The following SGCD variants were observed in gnomAD, a reference collection of about 807,000 sequenced individuals.
SGCD encodes the protein sarcoglycan delta.
In SGCD, 18 loss-of-function variants were observed where a neutral mutation model predicts 36.6. That is an observed-to-expected ratio of 0.49 (90% confidence interval 0.34 to 0.73). The LOEUF (loss-of-function observed/expected upper bound fraction) is 0.73. Among genes scored for constraint, SGCD ranks in the 30% least tolerant of loss-of-function variants. The pLI, the probability that SGCD is intolerant of heterozygous loss-of-function variation, is 0.01. For missense variants in SGCD, 387 were observed against 346.7 expected (o/e 1.12, Z -0.92); for synonymous variants, 133 against 130.6 (o/e 1.02, Z -0.12).
At chr5:155,836,407 C>T in the SGCD span, among the ~76,000 whole-genome samples, 9 of 151,946 alleles carry the variant, frequency 5.9e-5, no homozygotes, top group Admixed American at 3.9e-4. Context: ...AAATGAAAAA[C>T]GATTCTTCAA....
At chr5:155,909,511 G>C (rs369304271) in intron 1 of SGCD, among the ~76,000 whole-genome samples, 10 of 152,232 alleles carry the variant, frequency 6.6e-5, no homozygotes, top group African/African-American at 2.4e-4. Flanking sequence ...TCAAATATCT[G>C]TCTGCAGATC....
chr5:156,212,930 T>C (rs1330267597), intron 3 of SGCD, among the ~76,000 whole-genome samples: 1 of 151,976 alleles, frequency 6.6e-6, no homozygotes, highest in East Asian at 1.9e-4. Flanking sequence ...AAAAGGGAAA[T>C]TTAAAAATAT....
intron 7 of SGCD, among the ~76,000 whole-genome samples, chr5:156,685,840 A>G (rs1295996524): frequency 6.6e-6 from 1 of 152,212 alleles, no homozygotes; most frequent in African/African-American, 2.4e-5. Context: ...AAGTGAATAA[A>G]AAACACTTTA....
At chr5:155,803,071 C>T in the SGCD span, among the ~76,000 whole-genome samples, 4 of 152,134 alleles carry the variant, frequency 2.6e-5, no homozygotes, top group African/African-American at 9.7e-5. Context: ...GGAAAAAATC[C>T]AGATATAGTC....
chr5:156,735,848 T>A (rs283097), intron 7 of SGCD, among the ~76,000 whole-genome samples: 1 of 151,808 alleles, frequency 6.6e-6, no homozygotes, highest in Non-Finnish European at 1.5e-5. Context: ...AAAACCAGAG[T>A]ATCTAAAGTT....
At chr5:156,192,052 C>T (rs1308418341) in intron 3 of SGCD, among the ~76,000 whole-genome samples, 8 of 152,088 alleles carry the variant, frequency 5.3e-5, no homozygotes, top group Admixed American at 3.9e-4. Flanking sequence ...GAGAAAAAGA[C>T]AATAGTCATC....
chr5:155,900,888 C>T (rs1561643660), intron 1 of SGCD, among the ~76,000 whole-genome samples: 1 of 151,888 alleles, frequency 6.6e-6, no homozygotes, highest in Non-Finnish European at 1.5e-5. Flanking sequence ...GAAATATGTG[C>T]ACACTCATGT....
intron 3 of SGCD, among the ~76,000 whole-genome samples, chr5:156,251,519 C>G (rs1404055851): frequency 4.5e-5 from 4 of 89,262 alleles, no homozygotes; most frequent in Non-Finnish European, 7.4e-5. Flanking sequence ...ATTATTTATA[C>G]TACTTTTTTT....
chr5:155,778,627 A>C, the SGCD span, among the ~76,000 whole-genome samples: 1 of 49,854 alleles, frequency 2.0e-5, no homozygotes. Flanking sequence ...TTTTTAAGCT[A>C]TTGCTTAAAA....
At chr5:156,343,295 A>G (rs890245910) in intron 2 of SGCD, among the ~76,000 whole-genome samples, 1 of 152,188 alleles carries the variant, frequency 6.6e-6, no homozygotes, top group Non-Finnish European at 1.5e-5. Context: ...CAGTGTGTCT[A>G]CATGACAGCC....
intron 2 of SGCD, among the ~76,000 whole-genome samples, chr5:156,331,777 C>A (rs182110769): frequency 1.3e-5 from 2 of 152,258 alleles, no homozygotes; most frequent in African/African-American, 4.8e-5. Context: ...ACGAATCATT[C>A]GACAAAATCT....
chr5:156,375,397 T>G lies in SGCD; in HGVS notation c.192+30720T>G, dbSNP rs1234256966. 1.1e-4 allele frequency among the ~76,000 whole-genome samples: 3 copies of G among 26,664 alleles called. No homozygotes were observed. In the South Asian group the frequency reaches 8.1e-3, roughly 72 times the overall value. 17.5% of individuals were successfully genotyped at this position (26,664 alleles called of 152,430 possible). A position where few individuals can be genotyped will look rare whatever the true frequency, so the allele number is the denominator to read the frequency against. On this transcript the variant is annotated intron_variant, in intron 3 of 8. Transcript: ENST00000337851. Reference sequence around the variant, plus strand: ...TGCCCCAGTAATATCCTTCACAGCTTTTTTTTTTTTTTTTTTTTTTAAAGA... The same window carrying G: ...TGCCCCAGTAATATCCTTCACAGCTGTTTTTTTTTTTTTTTTTTTTAAAGA...
intron 7 of SGCD, among the ~76,000 whole-genome samples, chr5:156,729,181 A>G (rs1161853085): frequency 1.3e-5 from 2 of 152,218 alleles, no homozygotes; most frequent in Non-Finnish European, 2.9e-5. Context: ...GGCATATGCT[A>G]TATATCATTC....
At chr5:155,837,303 G>T in the SGCD span, among the ~76,000 whole-genome samples, 128 of 152,022 alleles carry the variant, frequency 8.4e-4, no homozygotes, top group Middle Eastern at 3.4e-3. Flanking sequence ...GACTGCAGGT[G>T]CCCACCACCA....
At chr5:156,071,302 A>C (rs1760553896) in intron 1 of SGCD, among the ~76,000 whole-genome samples, 1 of 152,094 alleles carries the variant, frequency 6.6e-6, no homozygotes, top group African/African-American at 2.4e-5. Flanking sequence ...ACTGCTTTGA[A>C]TGTGTCCCAG....
intron 3 of SGCD, among the ~76,000 whole-genome samples, chr5:156,233,634 AGGG>A (rs1765078471): frequency 6.6e-6 from 1 of 152,224 alleles, no homozygotes. Context: ...TGCAACTAAA[AGGG>A]AACACGTGAC....
the SGCD span, among the ~76,000 whole-genome samples, chr5:155,805,418 G>C: frequency 6.6e-6 from 1 of 152,228 alleles, no homozygotes; most frequent in Admixed American, 6.5e-5. Flanking sequence ...CAGAGAGGCA[G>C]CATTTCTGGT....
intron 4 of SGCD, among the ~76,000 whole-genome samples, chr5:156,513,909 G>A (rs1372765820): frequency 6.6e-6 from 1 of 152,120 alleles, no homozygotes; most frequent in Non-Finnish European, 1.5e-5. Flanking sequence ...AGATTGAGAA[G>A]GATACATGCT....
chr5:156,125,843 TTATTATTATTA>T (rs1762157355), intron 3 of SGCD, among the ~76,000 whole-genome samples: 1 of 22,170 alleles, frequency 4.5e-5, no homozygotes, highest in African/African-American at 1.6e-4. Context: ...CATTCTTTTA[TTATTATTATTA>T]TTATTATTAT....
Sources: gnomAD v4.1 joint callset for allele counts (sites outside exome capture counted in the v4.1 genomes callset) on GRCh38, gnomAD v4.1.1 for gene constraint, MANE v1.5 for transcripts, NCBI Gene and HGNC (gene_info 2026-07-23, HGNC 2026-07-21) for gene names.